Variants in GRB2 observed in about 807,000 individuals in gnomAD.
GRB2 encodes growth factor receptor-bound protein 2.
GRB2 carries 2 observed loss-of-function variants against 27.4 expected under a neutral mutation model. That is an observed-to-expected ratio of 0.07 (90% CI 0.03 to 0.23). The LOEUF (loss-of-function observed/expected upper bound fraction) is 0.23, where lower values mean the gene tolerates loss of function less well. Ranked by LOEUF, GRB2 falls within the 10% of genes least tolerant of loss-of-function variation. The pLI is 1.00. For missense variants in GRB2, 102 were observed against 282.4 expected, an observed-to-expected ratio of 0.36 and a Z score of 4.58; for synonymous variants, 94 against 99.6, an observed-to-expected ratio of 0.94 and a Z score of 0.33.
At chr17:75,361,046 C>T (rs1317997318) in intron 2 of GRB2, among the ~76,000 whole-genome samples, 2 of 152,074 alleles carry the variant, frequency 1.3e-5, no homozygotes, top group African/African-American at 4.8e-5. Context: ...GCTGGGATTT[C>T]AGGCATCAGC....
chr17:75,348,179 G>A (rs1267069463), intron 2 of GRB2, among the ~76,000 whole-genome samples: 4 of 152,150 alleles, frequency 2.6e-5, no homozygotes, highest in Admixed American at 1.3e-4. Context: ...CAAATAGCTC[G>A]GACTACAGAT....
chr17:75,354,065 G>A (rs1029634550), intron 2 of GRB2, among the ~76,000 whole-genome samples: 1 of 151,940 alleles, frequency 6.6e-6, no homozygotes, highest in Non-Finnish European at 1.5e-5. Flanking sequence ...ACGAAAGGGT[G>A]CGTGAGGGGC....
chr17:75,320,066 G>A lies in GRB2; in HGVS notation c.*302C>T, dbSNP rs377745564. ...GCTAGGACTATACGTGGCCTTAAAC[G>A]TCATGCACTGATGGACAGAAGAGAA... On this transcript the variant is annotated 3_prime_UTR_variant, in exon 6 of 6. Coordinates refer to ENST00000316804, the MANE Select transcript of GRB2 (RefSeq NM_002086.5). This position sits in a 1 kb window ranked among gnomAD's most constrained non-coding sequence, Gnocchi z 4.3. The A allele has an allele frequency of 3.0e-5, 9 of 302,418 alleles. No homozygotes were observed. The highest frequency in any genetic ancestry group is 8.7e-5 in the Admixed American group (2 of 22,858). The allele number at this position is 302,418 out of a possible 1,614,324, so 18.7% of individuals were successfully genotyped here. A position where few individuals can be genotyped will look rare whatever the true frequency, so the allele number is the denominator to read the frequency against.
In GRB2 at chr17:75,353,675, G is replaced by A. The variant is rs567567474; in HGVS notation, c.79-20878C>T. Among the ~76,000 whole-genome samples, 450 of 151,886 alleles carry A rather than the reference G, an allele frequency of 3.0e-3. 6 individuals carry two copies. The highest frequency in any genetic ancestry group is 0.01 in the African/African-American group (424 of 41,390). On this transcript the variant is annotated intron_variant, in intron 2 of 5. Coordinates refer to ENST00000316804, the MANE Select transcript of GRB2 (RefSeq NM_002086.5). Reference sequence around the variant, plus strand: ...CTCAGGAGGCTGAGGCAGGAGAATCGCTTGAACCTGGGAGGCAGAGGTTGC... The same window carrying A: ...CTCAGGAGGCTGAGGCAGGAGAATCACTTGAACCTGGGAGGCAGAGGTTGC...
intron 2 of GRB2, among the ~76,000 whole-genome samples, chr17:75,347,238 C>T (rs1410798426): frequency 6.6e-6 from 1 of 152,198 alleles, no homozygotes; most frequent in Non-Finnish European, 1.5e-5. Context: ...TCCAGTGAAA[C>T]CCCACCTCTA....
intron 1 of GRB2, among the ~76,000 whole-genome samples, chr17:75,398,703 A>G (rs4789187): frequency 0.65 from 98,488 of 152,170 alleles, 38,179 homozygotes; most frequent in East Asian, 0.96. Flanking sequence ...GCTCAGCTCA[A>G]TCTTTTTGGT....
chr17:75,339,093 G>A (rs1418196417), intron 2 of GRB2: 1 of 1,374,048 alleles, frequency 7.3e-7, no homozygotes, highest in Non-Finnish European at 1.0e-6. Flanking sequence ...AAAGATGCAA[G>A]CATTTTGAAC....
chr17:75,360,000 G>C (rs1429554293), intron 2 of GRB2, among the ~76,000 whole-genome samples: 1 of 150,264 alleles, frequency 6.7e-6, no homozygotes, highest in Non-Finnish European at 1.5e-5. Flanking sequence ...AAAAAAGACA[G>C]ACTGGGCATG....
At chr17:75,368,020 T>C (rs1365849689) in intron 2 of GRB2, among the ~76,000 whole-genome samples, 1 of 151,976 alleles carries the variant, frequency 6.6e-6, no homozygotes, top group East Asian at 1.9e-4. Context: ...GTTCAAACGA[T>C]TCTCATGCCT....
intron 2 of GRB2, 107 bp from the exon 3 acceptor site, chr17:75,332,904 C>A (rs1052501046): frequency 1.5e-4 from 99 of 672,766 alleles, no homozygotes; most frequent in Non-Finnish European, 3.1e-5. Context: ...CGGTTTCACT[C>A]GAAGTATTAT....
Position 75,320,320 on chromosome 17 carries a change from T to C in GRB2, c.*48A>G. ...GCAGCTTGTGGGTTTAATTCTTTTG[T>C]ATGTGTTTTACATTTTTCACTTTCT... On this transcript the variant is annotated 3_prime_UTR_variant, in exon 6 of 6. Coordinates refer to ENST00000316804, the MANE Select transcript of GRB2 (RefSeq NM_002086.5). This position sits in a 1 kb window ranked among gnomAD's most constrained non-coding sequence, Gnocchi z 4.3. 1 of 1,497,270 alleles carries C rather than the reference T, an allele frequency of 6.7e-7. No individual in the cohort carries two copies. The highest frequency in any genetic ancestry group is 9.3e-7 in the Non-Finnish European group (1 of 1,074,386). The allele number at this position is 1,497,270 out of a possible 1,614,324, so 92.7% of individuals were successfully genotyped here.
At chr17:75,361,445 A>C (rs1051557457) in intron 2 of GRB2, among the ~76,000 whole-genome samples, 1 of 152,168 alleles carries the variant, frequency 6.6e-6, no homozygotes, top group Non-Finnish European at 1.5e-5. Context: ...AAATGGGTCT[A>C]AACACTTGAC....
At chr17:75,404,406 G>A (rs985863551) in intron 1 of GRB2, among the ~76,000 whole-genome samples, 3 of 151,974 alleles carry the variant, frequency 2.0e-5, no homozygotes, top group African/African-American at 7.3e-5. Flanking sequence ...ACGAAAGCAA[G>A]GAAAGAGAGT....
chr17:75,378,369 T>A (rs1227702425), intron 2 of GRB2, among the ~76,000 whole-genome samples: 1 of 149,112 alleles, frequency 6.7e-6, no homozygotes, highest in African/African-American at 2.6e-5. Context: ...GGCAACAGAG[T>A]GAGACTGTCT....
At chr17:75,353,394 G>A (rs978812602) in intron 2 of GRB2, among the ~76,000 whole-genome samples, 1 of 151,838 alleles carries the variant, frequency 6.6e-6, no homozygotes, top group African/African-American at 2.4e-5. Flanking sequence ...TCAAACCTCT[G>A]TTGCTCAAGG....
At chr17:75,389,443 T>A (rs2078984963) in intron 2 of GRB2, among the ~76,000 whole-genome samples, 1 of 152,216 alleles carries the variant, frequency 6.6e-6, no homozygotes, top group Non-Finnish European at 1.5e-5. Flanking sequence ...TAAGAATCAC[T>A]ACTACAAATC....
chr17:75,322,005 T>C (rs2078463498), intron 4 of GRB2, among the ~76,000 whole-genome samples, 178 bp from the exon 5 acceptor site: 1 of 152,122 alleles, frequency 6.6e-6, no homozygotes, highest in African/African-American at 2.4e-5. Flanking sequence ...CTATGAATGA[T>C]GGGCACCAGG....
intron 2 of GRB2, among the ~76,000 whole-genome samples, chr17:75,356,528 G>A (rs1030336517): frequency 6.6e-6 from 1 of 152,134 alleles, no homozygotes; most frequent in Non-Finnish European, 1.5e-5. Flanking sequence ...ATAAATATTA[G>A]TTTGCATGTA....
intron 2 of GRB2, among the ~76,000 whole-genome samples, chr17:75,366,371 A>G (rs1033178529): frequency 2.0e-5 from 3 of 152,140 alleles, no homozygotes; most frequent in African/African-American, 7.2e-5. Context: ...CAAGTTATAT[A>G]CAGTATGGTC....
Sources: allele counts gnomAD v4.1 joint callset (sites outside exome capture counted in the v4.1 genomes callset), GRCh38; gene constraint gnomAD v4.1.1; non-coding constraint Gnocchi (gnomAD v3.1); transcripts MANE v1.5; gene names NCBI Gene and HGNC (gene_info 2026-07-23, HGNC 2026-07-21).